ACVR1B: variants seen among roughly 807,000 people sequenced by gnomAD.
ACVR1B encodes activin receptor type-1B.
A neutral mutation model predicts 55.6 loss-of-function variants in ACVR1B; 15 were observed. That is an observed-to-expected ratio of 0.27 (90% confidence interval 0.18 to 0.42). The LOEUF is 0.42. Among genes scored for constraint, ACVR1B ranks in the 10% least tolerant of loss-of-function variants. The probability of loss-of-function intolerance (pLI) is 1.00; values close to 1 mark genes in which losing one functional copy is unlikely to be tolerated. For synonymous variants in ACVR1B, 247 were observed against 254.6 expected, an observed-to-expected ratio of 0.97 and a Z score of 0.28; for missense variants, 359 against 670.1, an observed-to-expected ratio of 0.54 and a Z score of 5.13.
intron 4 of ACVR1B, among the ~76,000 whole-genome samples, chr12:51,981,667 A>G (rs559533554): frequency 2.0e-5 from 3 of 152,274 alleles, no homozygotes; most frequent in East Asian, 1.9e-4. Flanking sequence ...CCCCATCTCT[A>G]CTAAAAATAC....
chr12:51,977,110 A>C (rs1195371587), intron 3 of ACVR1B, among the ~76,000 whole-genome samples: 3 of 152,180 alleles, frequency 2.0e-5, no homozygotes, highest in Non-Finnish European at 4.4e-5. Flanking sequence ...TAGCATCAGC[A>C]CTATTTCCTG....
In ACVR1B at chr12:51,995,863, C is replaced by T. The variant is rs1316267217; in HGVS notation, c.*1753C>T. 2.0e-5 allele frequency: 3 copies of T among 152,544 alleles called. No homozygotes were observed. The highest frequency in any genetic ancestry group is 4.8e-5 in the African/African-American group (2 of 41,358). 9.4% of individuals were successfully genotyped at this position (152,544 alleles called of 1,614,324 possible). ...CCTTGAGTGGTTTTTGCTCTAGGGCCCTTTCTTGCACTGTCCAGCTGGTTG... is the reference window on the plus strand; with the variant it reads ...CCTTGAGTGGTTTTTGCTCTAGGGCTCTTTCTTGCACTGTCCAGCTGGTTG... On this transcript the variant is annotated 3_prime_UTR_variant, in exon 9 of 9. Coordinates refer to ENST00000257963, the MANE Select transcript of ACVR1B (RefSeq NM_004302.5).
At chr12:51,961,972 T>C (rs962511661) in intron 1 of ACVR1B, among the ~76,000 whole-genome samples, 1 of 152,172 alleles carries the variant, frequency 6.6e-6, no homozygotes, top group African/African-American at 2.4e-5. Context: ...TGTTCAGGTA[T>C]TTACAGTCAG....
intron 1 of ACVR1B, among the ~76,000 whole-genome samples, chr12:51,973,439 TA>T (rs1941785816): frequency 6.6e-6 from 1 of 152,230 alleles, no homozygotes; most frequent in Non-Finnish European, 1.5e-5. Context: ...GAATGGGAGT[TA>T]GCTTTCTTAA....
chr12:51,971,103 A>G (rs1390470175), intron 1 of ACVR1B, among the ~76,000 whole-genome samples: 2 of 152,252 alleles, frequency 1.3e-5, no homozygotes, highest in East Asian at 1.9e-4. Context: ...TAGCTGGGCC[A>G]TGGTGTCACT....
Position 51,951,754 on chromosome 12 carries a change from C to T in ACVR1B, c.11C>T (p.Ser4Leu), listed in dbSNP as rs373237304. Residue 4 changes from serine (S) to leucine (L), a missense_variant, in exon 1 of 9, where the codon TCG becomes TTG. Around this residue, in one of 5 missense-constraint regions of ACVR1B, gnomAD observed 48 missense variants for 40.6 expected, o/e 1.18. Transcript: ENST00000257963. ...GCGGCGGTGGTTACTATGGCGGAGT[C>T]GGCCGGAGCCTCCTCCTTCTTCCCC... MAE[S>L]AGASSFFPLV... The T allele has an allele frequency of 1.4e-5, 18 of 1,277,414 alleles. No individual in the cohort carries two copies. The highest frequency in any genetic ancestry group is 1.8e-5 in the Non-Finnish European group (18 of 1,003,404). The allele number at this position is 1,277,414 out of a possible 1,614,324, so 79.1% of individuals were successfully genotyped here.
chr12:51,965,897 A>T (rs922840627), intron 1 of ACVR1B, among the ~76,000 whole-genome samples: 1 of 152,174 alleles, frequency 6.6e-6, no homozygotes, highest in Admixed American at 6.5e-5. Flanking sequence ...TCGATTACAG[A>T]CTAAATTTCA....
chr12:51,969,986 A>C (rs770088276), intron 1 of ACVR1B, among the ~76,000 whole-genome samples: 26 of 152,204 alleles, frequency 1.7e-4, no homozygotes, highest in Non-Finnish European at 3.7e-4. Flanking sequence ...TGAAGTAAGG[A>C]ATTCATGGTG....
In ACVR1B at chr12:51,994,035, C is replaced by A. The variant is rs137941692; in HGVS notation, c.1443C>A (p.Gly481=). Residue 481 remains glycine (G), a synonymous_variant, in exon 9 of 9, where the codon GGC becomes GGA. Transcript: ENST00000257963. The surrounding 1 kb of genome is among the most constrained non-coding windows in gnomAD (Gnocchi z 4.2). ...KMMRECWYAN[G]AARLTALRIK... is the part of the protein sequence containing the mutation. ...TGCGAGAGTGTTGGTATGCCAACGG[C>A]GCAGCCCGCCTGACGGCCCTGCGCA... 3.7e-6 allele frequency: 6 copies of A among 1,614,118 alleles called. No homozygotes were observed. The highest frequency in any genetic ancestry group is 5.1e-6 in the Non-Finnish European group (6 of 1,180,040).
intron 3 of ACVR1B, 144 bp downstream of exon 3, chr12:51,976,719 GGAGTCTGACGTGTAATAAGATAAGA>G: frequency 4.8e-6 from 5 of 1,036,980 alleles, no homozygotes; most frequent in Non-Finnish European, 7.0e-6. Context: ...CCCTTCTTTT[GGAGTCTGACGTGTAATAAGATAAGA>G]TAATGGGTTC....
intron 1 of ACVR1B, among the ~76,000 whole-genome samples, chr12:51,968,257 C>G (rs771510984): frequency 1.2e-4 from 18 of 152,186 alleles, no homozygotes; most frequent in Non-Finnish European, 2.4e-4. Flanking sequence ...TATTTCTTCA[C>G]TCGTATTGAG....
intron 7 of ACVR1B, among the ~76,000 whole-genome samples, chr12:51,990,096 C>G (rs1942160922): frequency 6.6e-6 from 1 of 151,460 alleles, no homozygotes; most frequent in African/African-American, 2.4e-5. Flanking sequence ...GAGTTCAAGA[C>G]CAGCTTGGCC....
intron 1 of ACVR1B, among the ~76,000 whole-genome samples, chr12:51,962,604 G>A (rs981169462): frequency 6.6e-6 from 1 of 151,984 alleles, no homozygotes; most frequent in African/African-American, 2.4e-5. Flanking sequence ...TACAGTATCA[G>A]TTCCTAGTTA....
intron 4 of ACVR1B, among the ~76,000 whole-genome samples, chr12:51,983,018 T>G (rs1182844976): frequency 6.6e-6 from 1 of 152,180 alleles, no homozygotes; most frequent in Admixed American, 6.5e-5. Context: ...ATCCATCCCT[T>G]TATTGATTCT....
At chr12:51,957,817 A>G (rs1050267098) in intron 1 of ACVR1B, among the ~76,000 whole-genome samples, 7 of 152,132 alleles carry the variant, frequency 4.6e-5, no homozygotes, top group African/African-American at 1.7e-4. Context: ...TCTAACATGT[A>G]TTTTCTCTGT....
chr12:51,965,326 G>GA (rs35283811), intron 1 of ACVR1B, among the ~76,000 whole-genome samples: 42 of 151,912 alleles, frequency 2.8e-4, no homozygotes, highest in Non-Finnish European at 5.4e-4. Flanking sequence ...GTAAGCAGGG[G>GA]AAAAAAAGCT....
chr12:51,963,894 T>C (rs1161707106), intron 1 of ACVR1B, among the ~76,000 whole-genome samples: 2 of 152,240 alleles, frequency 1.3e-5, no homozygotes, highest in Non-Finnish European at 2.9e-5. Flanking sequence ...TGTACCCTTT[T>C]ATGTCCCAGC....
intron 1 of ACVR1B, among the ~76,000 whole-genome samples, chr12:51,971,211 AAC>A (rs1941741445): frequency 6.6e-6 from 1 of 152,168 alleles, no homozygotes; most frequent in Non-Finnish European, 1.5e-5. Context: ...CCTTACTCAA[AAC>A]ACAGCCTGTC....
chr12:51,957,181 C>T (rs1438884989), intron 1 of ACVR1B, among the ~76,000 whole-genome samples: 1 of 152,116 alleles, frequency 6.6e-6, no homozygotes, highest in Non-Finnish European at 1.5e-5. Flanking sequence ...GGCACAGTGG[C>T]TCACGCCTGT....
Sources: gnomAD v4.1 joint callset for allele counts (sites outside exome capture counted in the v4.1 genomes callset) on GRCh38, gnomAD v4.1.1 for gene constraint, gnomAD v4.1.1 regional missense constraint, Gnocchi (gnomAD v3.1) non-coding constraint, MANE v1.5 for transcripts, NCBI Gene and HGNC (gene_info 2026-07-23, HGNC 2026-07-21) for gene names.